Variants in RDX observed in about 807,000 individuals in gnomAD.
RDX encodes radixin.
Under a neutral mutation model 83.7 loss-of-function variants are expected in RDX, and 32 were observed. The observed-to-expected ratio is 0.38, with a 90% CI of 0.29 to 0.51. The LOEUF (loss-of-function observed/expected upper bound fraction) is 0.51, where lower values mean the gene tolerates loss of function less well. Among genes scored for constraint, RDX ranks in the 20% least tolerant of loss-of-function variants. The pLI, the probability that RDX is intolerant of heterozygous loss-of-function variation, is 0.87. For missense variants in RDX, 600 were observed against 689.9 expected, an observed-to-expected ratio of 0.87 and a Z score of 1.46; for synonymous variants, 229 against 222.7, an observed-to-expected ratio of 1.03 and a Z score of -0.25.
downstream of RDX, among the ~76,000 whole-genome samples, chr11:110,225,083 TTCTA>T (rs1312721661): frequency 1.3e-5 from 2 of 152,194 alleles, no homozygotes; most frequent in African/African-American, 4.8e-5. Flanking sequence ...GGCTCACATT[TTCTA>T]TCTATTTACT....
intron 1 of RDX, 115 bp downstream of exon 1, chr11:110,296,352 C>G (rs1021568854): frequency 6.7e-6 from 1 of 149,972 alleles, no homozygotes; most frequent in African/African-American, 2.4e-5. Context: ...GCGCCAAGCC[C>G]TGGCGGCGGC....
At chr11:110,184,104 G>A (rs1338038712) in intron 15 of RDX, among the ~76,000 whole-genome samples, 1 of 152,214 alleles carries the variant, frequency 6.6e-6, no homozygotes, top group East Asian at 1.9e-4. Flanking sequence ...TAACAGGAGG[G>A]AGAGGGAGCA....
intron 10 of RDX, among the ~76,000 whole-genome samples, chr11:110,241,035 G>A (rs1445632572): frequency 1.9e-4 from 21 of 109,706 alleles, no homozygotes; most frequent in Admixed American, 6.9e-4. Flanking sequence ...CAGCCTGGGC[G>A]ACAGAGTGAG....
At chr11:110,269,597 A>G (rs1409264247) in intron 3 of RDX, among the ~76,000 whole-genome samples, 1 of 152,196 alleles carries the variant, frequency 6.6e-6, no homozygotes, top group Non-Finnish European at 1.5e-5. Context: ...CACACACTAC[A>G]TACAAAAGTA....
At chr11:110,188,238 G>A (rs933015130) in intron 15 of RDX, among the ~76,000 whole-genome samples, 8 of 151,590 alleles carry the variant, frequency 5.3e-5, no homozygotes, top group African/African-American at 1.9e-4. Flanking sequence ...AGGTTGCAGT[G>A]AGCCAAGATC....
intron 10 of RDX, among the ~76,000 whole-genome samples, chr11:110,241,119 A>C (rs1407507981): frequency 6.6e-6 from 1 of 151,218 alleles, no homozygotes; most frequent in Non-Finnish European, 1.5e-5. Flanking sequence ...TTATATGTGT[A>C]TATTTTACCT....
intron 2 of RDX, among the ~76,000 whole-genome samples, chr11:110,278,297 A>G (rs932415683): frequency 1.3e-5 from 2 of 151,996 alleles, no homozygotes; most frequent in Admixed American, 6.5e-5. Flanking sequence ...TATATTTTAG[A>G]ATCAGCTAGT....
At chr11:110,235,050 CAT>C (rs1419479633) in intron 12 of RDX, among the ~76,000 whole-genome samples, 3 of 152,112 alleles carry the variant, frequency 2.0e-5, no homozygotes, top group Non-Finnish European at 2.9e-5. Context: ...ACTTAGGACT[CAT>C]ATTAGAAATC....
intron 15 of RDX, among the ~76,000 whole-genome samples, chr11:110,192,839 T>A (rs1171466003): frequency 1.5e-5 from 2 of 136,368 alleles, no homozygotes. Context: ...GGCTGAGTGG[T>A]TAGTATTGAA....
At chr11:110,187,262 C>A (rs1018458989) in intron 15 of RDX, among the ~76,000 whole-genome samples, 4 of 152,134 alleles carry the variant, frequency 2.6e-5, no homozygotes, top group African/African-American at 9.7e-5. Flanking sequence ...CTTGGTGTAG[C>A]GGGGCCCTCT....
intron 14 of RDX, among the ~76,000 whole-genome samples, chr11:110,201,090 C>T (rs975638866): frequency 3.3e-5 from 5 of 149,404 alleles, no homozygotes; most frequent in African/African-American, 1.2e-4. Context: ...GTAGGAGAAT[C>T]GCTTGAACCT....
chr11:110,275,588 T>C (rs1402095026), intron 2 of RDX, among the ~76,000 whole-genome samples: 1 of 152,192 alleles, frequency 6.6e-6, no homozygotes, highest in Non-Finnish European at 1.5e-5. Flanking sequence ...GGTTGTTTTT[T>C]CTTACTTTAA....
intron 14 of RDX, among the ~76,000 whole-genome samples, chr11:110,224,198 C>T (rs1864354439): frequency 6.6e-6 from 1 of 150,688 alleles, no homozygotes; most frequent in Non-Finnish European, 1.5e-5. Flanking sequence ...TTTTCTAACC[C>T]CAAACTGTTT....
At chr11:110,208,309 C>G (rs116857818) in intron 14 of RDX, among the ~76,000 whole-genome samples, 1 of 152,182 alleles carries the variant, frequency 6.6e-6, no homozygotes, top group Non-Finnish European at 1.5e-5. Flanking sequence ...GGCATTTATT[C>G]GGGAGGTTAA....
chr11:110,193,740 G>A (rs776447089), intron 15 of RDX, among the ~76,000 whole-genome samples: 24 of 152,134 alleles, frequency 1.6e-4, no homozygotes, highest in Non-Finnish European at 3.1e-4. Context: ...TTGGAGTGAT[G>A]TGTCCAAATT....
At chr11:110,264,591 C>CT (rs1322878145) in intron 4 of RDX, among the ~76,000 whole-genome samples, 188 bp downstream of exon 4, 362 of 137,118 alleles carry the variant, frequency 2.6e-3, no homozygotes, top group Middle Eastern at 0.011. Context: ...GTAAGCATTT[C>CT]TTTTTTTTTT....
chr11:110,190,154 C>T (rs1189872603), intron 15 of RDX, among the ~76,000 whole-genome samples: 1 of 152,142 alleles, frequency 6.6e-6, no homozygotes, highest in Non-Finnish European at 1.5e-5. Context: ...GCAACAAAAG[C>T]AGTGTTAAGA....
chr11:110,278,452 T>C (rs1367960827), intron 2 of RDX, among the ~76,000 whole-genome samples: 6 of 152,156 alleles, frequency 3.9e-5, no homozygotes, highest in Non-Finnish European at 7.4e-5. Context: ...TAATTTCTCA[T>C]AGCTGGTTTT....
chr11:110,215,017 A>C (rs1255009863), intron 14 of RDX, among the ~76,000 whole-genome samples: 1 of 138,488 alleles, frequency 7.2e-6, no homozygotes, highest in Non-Finnish European at 1.5e-5. Context: ...AAAATAAAAA[A>C]AACATTTAGG....
Sources: allele counts gnomAD v4.1 joint callset (sites outside exome capture counted in the v4.1 genomes callset), GRCh38; gene constraint gnomAD v4.1.1; transcripts MANE v1.5; gene names NCBI Gene and HGNC (gene_info 2026-07-23, HGNC 2026-07-21).